The following CNBD1 variants were observed in gnomAD, a reference collection of about 807,000 sequenced individuals.
CNBD1 encodes the protein cyclic nucleotide-binding domain-containing protein 1.
A neutral mutation model predicts 54.4 loss-of-function variants in CNBD1; 71 were observed. The ratio of observed to expected loss-of-function variants is 1.30; its 90% CI spans 1.08 to 1.59. The LOEUF (loss-of-function observed/expected upper bound fraction) is 1.59, where lower values mean the gene tolerates loss of function less well. CNBD1 is among the 40% of genes most tolerant of loss of function. CNBD1 has a pLI of 0.00. For synonymous variants in CNBD1, 182 were observed against 170.7 expected (o/e 1.07, Z -0.51); for missense variants, 659 against 518.0 (o/e 1.27, Z -2.64).
intron 10 of CNBD1, among the ~76,000 whole-genome samples, chr8:87,377,234 G>C (rs908168536): frequency 2.7e-5 from 4 of 150,838 alleles, no homozygotes; most frequent in African/African-American, 4.9e-5. Flanking sequence ...CATGTGCCAT[G>C]CTGGTGCGCT....
chr8:86,870,369 G>GT (rs2131764295), intron 1 of CNBD1, among the ~76,000 whole-genome samples: 1 of 151,424 alleles, frequency 6.6e-6, no homozygotes, highest in East Asian at 1.9e-4. Flanking sequence ...TAATTTTTTT[G>GT]TATTTTTTTA....
At chr8:87,143,366 A>G (rs1812411545) in intron 4 of CNBD1, among the ~76,000 whole-genome samples, 1 of 152,180 alleles carries the variant, frequency 6.6e-6, no homozygotes, top group South Asian at 2.1e-4. Flanking sequence ...ATTGTCTGCT[A>G]AGGGCACCTA....
intron 5 of CNBD1, among the ~76,000 whole-genome samples, chr8:87,234,136 T>A (rs1240330495): frequency 1.3e-5 from 2 of 152,176 alleles, no homozygotes; most frequent in Admixed American, 1.3e-4. Context: ...ATTCTAGTTA[T>A]CTTGCTCTTT....
At chr8:87,022,635 A>T (rs971817012) in intron 4 of CNBD1, among the ~76,000 whole-genome samples, 2 of 152,176 alleles carry the variant, frequency 1.3e-5, no homozygotes, top group African/African-American at 4.8e-5. Context: ...AAATCTACAA[A>T]TTTCCAATTG....
rs1813366286 is a variant in CNBD1 at position 87,182,199 on chromosome 8, A to G, written c.432-23794A>G. On this transcript the variant is annotated intron_variant, in intron 4 of 10. Coordinates refer to ENST00000518476, the MANE Select transcript of CNBD1 (RefSeq NM_173538.3). This position sits in a 1 kb window ranked among gnomAD's most constrained non-coding sequence, Gnocchi z 4.1. ...ACTTAGGATAATGGCCTTCACCTAT[A>G]TCCATGTTACTGCAAAGGACATGAT... Among the ~76,000 whole-genome samples the G allele has an allele frequency of 6.6e-6, 1 of 152,132 alleles. No individual in the cohort carries two copies. Among genetic ancestry groups the G allele is most frequent in the African/African-American group, 2.4e-5 (1 of 41,442 alleles).
At chr8:87,419,367 AT>A (rs1807887433) in intron 2 of CNBD1, among the ~76,000 whole-genome samples, 1 of 151,910 alleles carries the variant, frequency 6.6e-6, no homozygotes, top group African/African-American at 2.4e-5. Flanking sequence ...ATGGTCTGGA[AT>A]TAGATATGGT....
chr8:87,361,224 G>T (rs575777396), intron 10 of CNBD1, among the ~76,000 whole-genome samples: 1 of 151,782 alleles, frequency 6.6e-6, no homozygotes, highest in Non-Finnish European at 1.5e-5. Context: ...CTTATAATTT[G>T]TTATTCCTTA....
At chr8:87,411,780 GACA>G (rs1487513971) in intron 2 of CNBD1, among the ~76,000 whole-genome samples, 3 of 151,092 alleles carry the variant, frequency 2.0e-5, no homozygotes, top group Non-Finnish European at 1.5e-5. Context: ...TTTTCATTAA[GACA>G]ACAATAATAT....
At position 87,313,203 on chromosome 8, in the gene CNBD1, ATATT is replaced by A. The variant is rs1201316768; in HGVS notation, c.1042+26540_1042+26543del. On this transcript the variant is annotated intron_variant, in intron 8 of 10. Transcript: ENST00000518476. ...GATGCTTTTTGCACATACTACGTTA[ATATT>A]TATTTATCCATTTGTGTTTGTTGGA... 1.6e-4 allele frequency among the ~76,000 whole-genome samples: 25 copies of A among 152,164 alleles called. 1 individual carries two copies. The South Asian group carries it at 2.3e-3, about 14-fold the overall frequency.
At chr8:87,264,285 G>A (rs1300580678) in intron 6 of CNBD1, among the ~76,000 whole-genome samples, 1 of 152,052 alleles carries the variant, frequency 6.6e-6, no homozygotes, top group Non-Finnish European at 1.5e-5. Flanking sequence ...TGCTGAGAAC[G>A]ATGGTTTCCA....
intron 8 of CNBD1, among the ~76,000 whole-genome samples, chr8:87,348,979 G>T (rs1810228554): frequency 6.6e-6 from 1 of 152,062 alleles, no homozygotes; most frequent in African/African-American, 2.4e-5. Context: ...ATGATCTAAT[G>T]CTTTCAGGTC....
At chr8:87,372,347 G>T (rs1810829050) in intron 10 of CNBD1, among the ~76,000 whole-genome samples, 1 of 151,934 alleles carries the variant, frequency 6.6e-6, no homozygotes, top group Non-Finnish European at 1.5e-5. Flanking sequence ...TATCCTACTT[G>T]CAGTTTTCAC....
intron 4 of CNBD1, among the ~76,000 whole-genome samples, chr8:86,956,827 C>G (rs1337955858): frequency 1.3e-5 from 2 of 152,194 alleles, no homozygotes; most frequent in Admixed American, 1.3e-4. Flanking sequence ...CTATTTCTTT[C>G]TCCTGCCTGA....
At chr8:87,044,682 C>A (rs933045011) in intron 4 of CNBD1, 2 of 152,160 alleles carry the variant, frequency 1.3e-5, no homozygotes, top group African/African-American at 4.8e-5. Flanking sequence ...ACAAGCATAG[C>A]TTTTCTTGTT....
chr8:87,292,426 G>A (rs1243327514), intron 8 of CNBD1, among the ~76,000 whole-genome samples: 1 of 152,066 alleles, frequency 6.6e-6, no homozygotes, highest in Admixed American at 6.6e-5. Flanking sequence ...TTTTATTTTT[G>A]GTCATCATGT....
intron 2 of CNBD1, among the ~76,000 whole-genome samples, chr8:87,391,724 A>G (rs1393512807): frequency 6.6e-6 from 1 of 152,080 alleles, no homozygotes; most frequent in Non-Finnish European, 1.5e-5. Flanking sequence ...TGTAAGAACT[A>G]AAACTGTACA....
intron 4 of CNBD1, among the ~76,000 whole-genome samples, chr8:87,127,597 G>A (rs1436120143): frequency 1.1e-4 from 16 of 152,052 alleles, no homozygotes; most frequent in East Asian, 5.8e-4. Flanking sequence ...TGTTGTCTGC[G>A]AATAAAGACA....
intron 2 of CNBD1, among the ~76,000 whole-genome samples, chr8:87,423,155 C>A (rs1340840887): frequency 7.9e-5 from 12 of 152,180 alleles, no homozygotes; most frequent in Admixed American, 7.9e-4. Flanking sequence ...AGTTGCTTAT[C>A]AGCTTTAAGG....
chr8:86,931,009 C>T lies in CNBD1; in HGVS notation c.273-8587C>T, dbSNP rs1276235296. On this transcript the variant is annotated intron_variant, in intron 3 of 10. Coordinates refer to ENST00000518476, the MANE Select transcript of CNBD1 (RefSeq NM_173538.3). ...CAAGTAGGGGACAACAAATGGGTAA[C>T]TTATTCCCCATATTCATGTAGATAA... Among the ~76,000 whole-genome samples, 4 of 152,176 alleles carry T rather than the reference C, an allele frequency of 2.6e-5. No homozygotes were observed. In the East Asian group the frequency reaches 7.7e-4, roughly 29 times the overall value.
Sources: gnomAD v4.1 joint callset for allele counts (sites outside exome capture counted in the v4.1 genomes callset) on GRCh38, gnomAD v4.1.1 for gene constraint, Gnocchi (gnomAD v3.1) non-coding constraint, MANE v1.5 for transcripts, NCBI Gene and HGNC (gene_info 2026-07-23, HGNC 2026-07-21) for gene names.